DYNC1H1: variants seen among roughly 807,000 people sequenced by gnomAD.
The protein encoded by DYNC1H1 is cytoplasmic dynein 1 heavy chain 1.
DYNC1H1 carries 51 observed loss-of-function variants against 527.1 expected under a neutral mutation model. The observed-to-expected ratio is 0.10, with a 90% confidence interval of 0.08 to 0.12. DYNC1H1 has a LOEUF of 0.12. Ranked by LOEUF, DYNC1H1 falls within the 10% of genes least tolerant of loss-of-function variation. The probability of loss-of-function intolerance (pLI) is 1.00; values close to 1 mark genes in which losing one functional copy is unlikely to be tolerated. For missense variants in DYNC1H1, 2,771 were observed against 5,971.8 expected (o/e 0.46, Z 17.66); for synonymous variants, 2,189 against 2,278.8 (o/e 0.96, Z 1.12).
rs2141288473 is a variant in DYNC1H1, at chr14:102,004,554, C to A, written c.4920C>A (p.Ile1640=). ...YFVGDEDLLE[I]IGNSKNVAKL... is the part of the protein sequence containing the mutation. ...TGGGTGATGAAGATTTGCTTGAAAT[C>A]ATTGGAAACAGCAAGAATGTCGCTA... is the stretch of plus-strand genomic sequence containing the variant. Residue 1640 remains isoleucine (I), a synonymous_variant, in exon 24 of 78, where the codon ATC becomes ATA. Coordinates refer to ENST00000360184, the MANE Select transcript of DYNC1H1 (RefSeq NM_001376.5). The A allele has an allele frequency of 4.3e-6, 7 of 1,613,642 alleles. No homozygotes were observed. The highest frequency in any genetic ancestry group is 1.3e-5 in the African/African-American group (1 of 75,022).
chr14:102,049,861 G>T lies in DYNC1H1; in HGVS notation c.13663G>T (p.Ala4555Ser). ...VTTSQGATLD[A>S]CSFGVTGLKL... ...CACCTCACAGGGCGCCACCCTTGAC[G>T]CTTGCAGCTTCGGAGTCACGGGTGA... Residue 4555 changes from alanine to serine, a missense_variant, in exon 76 of 78, where the codon GCT becomes TCT. Around this residue, in one of 32 missense-constraint regions of DYNC1H1, gnomAD observed 106 missense variants for 139.2 expected, o/e 0.76. Transcript: ENST00000360184. The surrounding 1 kb of genome is among the most constrained non-coding windows in gnomAD (Gnocchi z 5.5). 2 of 1,613,854 alleles carry T rather than the reference G, an allele frequency of 1.2e-6. No homozygotes were observed. Among genetic ancestry groups the T allele is most frequent in the Non-Finnish European group, 1.7e-6 (2 of 1,180,022 alleles).
chr14:101,998,879 C>CTTTTTTTTTTGT (rs1470140199), intron 16 of DYNC1H1, among the ~76,000 whole-genome samples: 28 of 115,214 alleles, frequency 2.4e-4, no homozygotes, highest in Admixed American at 8.4e-4. Flanking sequence ...AAAACTTTTT[C>CTTTTTTTTTTGT]TTTTTTTTTT....
In DYNC1H1 at chr14:102,033,834, C is replaced by T; in HGVS notation, c.10414-142C>T. Reference sequence around the variant, plus strand: ...TAGTTATATATGATCTGGGTCTCATCTCCTCTGGGACTGTGAACAACTTGG... The same window carrying T: ...TAGTTATATATGATCTGGGTCTCATTTCCTCTGGGACTGTGAACAACTTGG... On this transcript the variant is annotated intron_variant, in intron 54 of 77. Transcript: ENST00000360184. The surrounding 1 kb of genome is among the most constrained non-coding windows in gnomAD (Gnocchi z 5.6). 3.5e-6 allele frequency: 3 copies of T among 868,014 alleles called. No homozygotes were observed. Among genetic ancestry groups the T allele is most frequent in the Non-Finnish European group, 5.5e-6 (3 of 542,978 alleles). 53.8% of individuals were successfully genotyped at this position (868,014 alleles called of 1,614,324 possible).
rs2047839142 is a variant in DYNC1H1, at chr14:101,979,510, A to C, written c.518+18A>C. The C allele has an allele frequency of 6.2e-7, 1 of 1,614,098 alleles. No homozygotes were observed. Among genetic ancestry groups the C allele is most frequent in the Non-Finnish European group, 8.5e-7 (1 of 1,179,998 alleles). ...GCAGACAGGTAAAAACTGTGGTTTG[A>C]ATGTTATATTTCACTTAATGTTCAC... is the stretch of plus-strand genomic sequence containing the variant. On this transcript the variant is annotated intron_variant, in intron 3 of 77. Coordinates refer to ENST00000360184, the MANE Select transcript of DYNC1H1 (RefSeq NM_001376.5). This position sits in a 1 kb window ranked among gnomAD's most constrained non-coding sequence, Gnocchi z 4.6.
rs759358863 is a variant in DYNC1H1, at chr14:102,045,467, C to G, written c.13006+769C>G. Among the ~76,000 whole-genome samples the G allele has an allele frequency of 2.5e-4, 37 of 149,504 alleles. No individual in the cohort carries two copies. In the Middle Eastern group the frequency reaches 0.015, roughly 60 times the overall value. On this transcript the variant is annotated intron_variant, in intron 72 of 77. Coordinates refer to ENST00000360184, the MANE Select transcript of DYNC1H1 (RefSeq NM_001376.5). ...CTCTACAAAAAATACAAAAACTAGC[C>G]AGGTGTGGTGGTGGGTGCCTGTAAT...
Position 101,988,929 on chromosome 14 carries a change from G to A in DYNC1H1, c.2868+77G>A, listed in dbSNP as rs1184620006. On this transcript the variant is annotated intron_variant, in intron 10 of 77. Coordinates refer to ENST00000360184, the MANE Select transcript of DYNC1H1 (RefSeq NM_001376.5). The stretch of plus-strand genomic sequence containing the variant: ...TCTCGTTAAAAAACACCTATGGAAA[G>A]GTCACTTAGTGTGGACACCTGGCAG... 2.5e-6 allele frequency: 4 copies of A among 1,585,362 alleles called. No individual in the cohort carries two copies. The African/African-American group carries it at 5.4e-5, about 22-fold the overall frequency.
In DYNC1H1 at chr14:102,016,205, C is replaced by G. The variant is rs1019927769; in HGVS notation, c.7473+119C>G. 1 of 1,500,284 alleles carries G rather than the reference C, an allele frequency of 6.7e-7. No individual in the cohort carries two copies. Among genetic ancestry groups the G allele is most frequent in the Admixed American group, 2.0e-5 (1 of 50,940 alleles). The allele number at this position is 1,500,284 out of a possible 1,614,324, so 92.9% of individuals were successfully genotyped here. On this transcript the variant is annotated intron_variant, in intron 36 of 77. Transcript: ENST00000360184. The surrounding 1 kb of genome is among the most constrained non-coding windows in gnomAD (Gnocchi z 7.3). ...TCTCTCCTAGGCGAGGCAGAGCCTTCGTTGAGGGGCTAGGAAAGGTGCAGT... is the reference window on the plus strand; with the variant it reads ...TCTCTCCTAGGCGAGGCAGAGCCTTGGTTGAGGGGCTAGGAAAGGTGCAGT...
At chr14:101,981,813 T>A (rs924956928) in intron 5 of DYNC1H1, among the ~76,000 whole-genome samples, 11 of 152,246 alleles carry the variant, frequency 7.2e-5, no homozygotes, top group Non-Finnish European at 7.3e-5. Context: ...ATAAATAGAT[T>A]AGGATCCAAG....
At chr14:101,975,019 G>T (rs1021889656) in intron 1 of DYNC1H1, among the ~76,000 whole-genome samples, 1 of 152,194 alleles carries the variant, frequency 6.6e-6, no homozygotes, top group African/African-American at 2.4e-5. Flanking sequence ...AGTGACCCTT[G>T]GGATGTTTCT....
At chr14:102,024,116 G>C (rs1484732026) in intron 43 of DYNC1H1, among the ~76,000 whole-genome samples, 1 of 152,188 alleles carries the variant, frequency 6.6e-6, no homozygotes, top group African/African-American at 2.4e-5. Context: ...TGTTGCTTCA[G>C]CGGGTTTGCA....
At chr14:102,034,247 T>G in intron 55 of DYNC1H1, 59 bp downstream of exon 55, 3 of 1,614,154 alleles carry the variant, frequency 1.9e-6, no homozygotes, top group Admixed American at 1.7e-5. Flanking sequence ...AGCTGGTGTT[T>G]AGTGCACAGT....
rs528919217 is a variant in DYNC1H1 at position 102,048,745 on chromosome 14, A to G, written c.13372+76A>G. On this transcript the variant is annotated intron_variant, in intron 74 of 77. Transcript: ENST00000360184. ...AGGGGCCACAACCCAGCCCAGCCAC[A>G]CAGCACCACGTGCAGACAGCCAGGC... is the stretch of plus-strand genomic sequence containing the variant. 52 of 1,382,622 alleles carry G rather than the reference A, an allele frequency of 3.8e-5. No homozygotes were observed. In the East Asian group the frequency reaches 1.9e-3, roughly 52 times the overall value. 85.6% of individuals were successfully genotyped at this position (1,382,622 alleles called of 1,614,324 possible). A position where few individuals can be genotyped will look rare whatever the true frequency, so the allele number is the denominator to read the frequency against.
rs1378258320 is a variant in DYNC1H1, at chr14:102,034,153, A to G, written c.10591A>G (p.Thr3531Ala). Residue 3531 changes from threonine to alanine, a missense_variant, in exon 55 of 78, where the codon ACC becomes GCC. Around this residue, in one of 32 missense-constraint regions of DYNC1H1, gnomAD observed 283 missense variants for 737.6 expected, o/e 0.38. Coordinates refer to ENST00000360184, the MANE Select transcript of DYNC1H1 (RefSeq NM_001376.5). ...DQQMRQNLFT[T>A]WSHHLQQANI... The stretch of plus-strand genomic sequence containing the variant: ...GCAGATGCGTCAGAACTTGTTCACT[A>G]CCTGGTCCCATCACCTACAGCAAGC... 1 of 1,614,168 alleles carries G rather than the reference A, an allele frequency of 6.2e-7. No homozygotes were observed.
In DYNC1H1 at chr14:101,965,374, A is replaced by C. The variant is rs758268732; in HGVS notation, c.256+427A>C. 1.3e-5 allele frequency among the ~76,000 whole-genome samples: 2 copies of C among 151,956 alleles called. No homozygotes were observed. Among genetic ancestry groups the C allele is most frequent in the Non-Finnish European group, 2.9e-5 (2 of 68,002 alleles). Reference sequence around the variant, plus strand: ...GCATCCCTGCCTCCAGTGTCACATGAGCTTTTCGGTTTCGATTTGTGTCCA... The same window carrying C: ...GCATCCCTGCCTCCAGTGTCACATGCGCTTTTCGGTTTCGATTTGTGTCCA... On this transcript the variant is annotated intron_variant, in intron 1 of 77. Transcript: ENST00000360184. The surrounding 1 kb of genome is among the most constrained non-coding windows in gnomAD (Gnocchi z 4.1).
In DYNC1H1 at chr14:102,020,136, A is replaced by AG; in HGVS notation, c.8507+84dup. On this transcript the variant is annotated intron_variant, in intron 42 of 77. Transcript: ENST00000360184. This position sits in a 1 kb window ranked among gnomAD's most constrained non-coding sequence, Gnocchi z 4.3. Reference sequence around the variant, plus strand: ...CAGCTGTCGAAGCTGGGGTCTTTGCAGGGGTGGTCTGCCTAAGTTAGAGCC... The same window carrying AG: ...CAGCTGTCGAAGCTGGGGTCTTTGCAGGGGGTGGTCTGCCTAAGTTAGAGCC... 1 of 1,565,602 alleles carries AG rather than the reference A, an allele frequency of 6.4e-7. No homozygotes were observed. Among genetic ancestry groups the AG allele is most frequent in the South Asian group, 1.2e-5 (1 of 86,706 alleles).
At position 102,047,834 on chromosome 14, in the gene DYNC1H1, A is replaced by G. The variant is rs747829220; in HGVS notation, c.13024A>G (p.Lys4342Glu). The change falls in exon 73 of 78, where the codon AAA becomes GAA. Residue 4342 changes from lysine to glutamate, a missense_variant. Physicochemically the swap from Lys to Glu is moderately conservative, Grantham distance 56 (BLOSUM62 1). Around this residue, in one of 32 missense-constraint regions of DYNC1H1, gnomAD observed 170 missense variants for 249.8 expected, o/e 0.68. Coordinates refer to ENST00000360184, the MANE Select transcript of DYNC1H1 (RefSeq NM_001376.5). ...LTTQGVDMIS[K>E]MLKMQMLEDE... is the part of the protein sequence containing the mutation. Reference sequence around the variant, plus strand: ...TGGCCCAGGTGTGGACATGATCAGTAAAATGCTGAAGATGCAGATGTTGGA... The same window carrying G: ...TGGCCCAGGTGTGGACATGATCAGTGAAATGCTGAAGATGCAGATGTTGGA... The G allele has an allele frequency of 5.7e-5, 92 of 1,613,310 alleles. 1 individual carries two copies. Among genetic ancestry groups the G allele is most frequent in the Non-Finnish European group, 7.6e-5 (90 of 1,180,000 alleles).
At chr14:102,047,451 C>T (rs2048734067) in intron 72 of DYNC1H1, among the ~76,000 whole-genome samples, 1 of 151,816 alleles carries the variant, frequency 6.6e-6, no homozygotes, top group South Asian at 2.1e-4. Context: ...TCAGGAGAAT[C>T]ACTTGAACCC....
At chr14:101,989,632 G>C (rs1305053413) in intron 10 of DYNC1H1, among the ~76,000 whole-genome samples, 1 of 152,150 alleles carries the variant, frequency 6.6e-6, no homozygotes, top group Non-Finnish European at 1.5e-5. Context: ...GAAACAGTTG[G>C]CTTTTTTCCC....
At chr14:102,008,451 C>T (rs1329974576) in intron 29 of DYNC1H1, 114 bp downstream of exon 29, 3 of 1,386,800 alleles carry the variant, frequency 2.2e-6, no homozygotes, top group Non-Finnish European at 3.0e-6. Context: ...CACAGGAGCT[C>T]ACTGTTACAG....
Sources: allele counts gnomAD v4.1 joint callset (sites outside exome capture counted in the v4.1 genomes callset), GRCh38; gene constraint gnomAD v4.1.1; regional missense constraint gnomAD v4.1.1; non-coding constraint Gnocchi (gnomAD v3.1); transcripts MANE v1.5; gene names NCBI Gene and HGNC (gene_info 2026-07-23, HGNC 2026-07-21).